PNPLA8: variants seen among roughly 807,000 people sequenced by gnomAD.
PNPLA8 encodes calcium-independent phospholipase A2-gamma.
PNPLA8 carries 39 observed loss-of-function variants against 76.9 expected under a neutral mutation model. That is an observed-to-expected ratio of 0.51 (90% CI 0.39 to 0.66). The LOEUF is 0.66. Ranked by LOEUF, PNPLA8 falls within the 30% of genes least tolerant of loss-of-function variation. The pLI, the probability that PNPLA8 is intolerant of heterozygous loss-of-function variation, is 0.00. For missense variants in PNPLA8, 887 were observed against 918.0 expected, an observed-to-expected ratio of 0.97 and a Z score of 0.44; for synonymous variants, 301 against 307.9, an observed-to-expected ratio of 0.98 and a Z score of 0.24.
chr7:108,495,730 C>T (rs1861498746), intron 7 of PNPLA8, among the ~76,000 whole-genome samples: 1 of 151,946 alleles, frequency 6.6e-6, no homozygotes, highest in African/African-American at 2.4e-5. Context: ...AAATTAGGAA[C>T]ATAAATGTCG....
At chr7:108,511,907 A>C (rs2154516524) in intron 4 of PNPLA8, among the ~76,000 whole-genome samples, 1 of 152,356 alleles carries the variant, frequency 6.6e-6, no homozygotes, top group South Asian at 2.1e-4. Context: ...AGACATTACT[A>C]ATGTTCACCA....
rs191211290 is a variant in PNPLA8, at chr7:108,504,602, T to A, written c.1207-1960A>T. On this transcript the variant is annotated intron_variant, in intron 4 of 10. Transcript: ENST00000257694. Reference sequence around the variant, plus strand: ...CCACCATGTTTTTCTCTTTTAAAAATTTTTTTGTAGATAAGGTGATTCTAA... The same window carrying A: ...CCACCATGTTTTTCTCTTTTAAAAAATTTTTTGTAGATAAGGTGATTCTAA... Among the ~76,000 whole-genome samples the A allele has an allele frequency of 1.1e-4, 16 of 152,320 alleles. No individual in the cohort carries two copies. In the East Asian group the frequency reaches 3.1e-3, roughly 29 times the overall value.
At chr7:108,502,442 C>CAA (rs369261888) in intron 5 of PNPLA8, 49 bp downstream of exon 5, 2,711 of 623,826 alleles carry the variant, frequency 4.3e-3, no homozygotes, top group South Asian at 0.012. Flanking sequence ...AACTCCATCT[C>CAA]AAAAAAAAAA....
rs918643211 is a variant in PNPLA8 at position 108,515,012 on chromosome 7, A to G, written c.480T>C (p.Tyr160=). ...GACTCTTTTCTGCTGATTTGTCACT[A>G]TATTTTTTCAGAGATTTGATGGCTT... The part of the protein sequence containing the change: ...IKQAIKSLKK[Y]SDKSAEKSPF... The change falls in exon 3 of 11, where the codon TAT becomes TAC. Residue 160 remains tyrosine, a synonymous_variant. Transcript: ENST00000257694. 6.8e-6 allele frequency: 11 copies of G among 1,607,582 alleles called. No homozygotes were observed. The highest frequency in any genetic ancestry group is 1.7e-4 in the Middle Eastern group (1 of 6,058).
chr7:108,520,270 G>C (rs1475304000), intron 2 of PNPLA8, among the ~76,000 whole-genome samples: 2 of 152,156 alleles, frequency 1.3e-5, no homozygotes, highest in East Asian at 3.9e-4. Flanking sequence ...GATAAGCCAA[G>C]TTAACATAAA....
intron 2 of PNPLA8, among the ~76,000 whole-genome samples, chr7:108,517,733 CTGGGGAGCTTA>C (rs1863442456): frequency 6.6e-6 from 1 of 152,140 alleles, no homozygotes; most frequent in Non-Finnish European, 1.5e-5. Context: ...ATCCCATAAA[CTGGGGAGCTTA>C]CATATATATG....
chr7:108,494,735 G>A (rs1161578473), intron 7 of PNPLA8, among the ~76,000 whole-genome samples: 2 of 151,904 alleles, frequency 1.3e-5, no homozygotes, highest in Non-Finnish European at 2.9e-5. Context: ...CCCAGTAGTA[G>A]GATTGTAGAA....
chr7:108,514,009 C>T, intron 4 of PNPLA8, 135 bp downstream of exon 4: 2 of 630,636 alleles, frequency 3.2e-6, no homozygotes, highest in South Asian at 2.2e-5. Flanking sequence ...AGGGTAATTA[C>T]TGAATACACA....
chr7:108,473,599 T>C (rs1355994686), intron 10 of PNPLA8, among the ~76,000 whole-genome samples: 1 of 152,178 alleles, frequency 6.6e-6, no homozygotes, highest in Non-Finnish European at 1.5e-5. Flanking sequence ...ATTATAGAGG[T>C]AGTGGTATCT....
intron 8 of PNPLA8, among the ~76,000 whole-genome samples, chr7:108,490,863 A>C (rs906675186): frequency 6.6e-5 from 10 of 152,152 alleles, no homozygotes; most frequent in African/African-American, 2.4e-4. Flanking sequence ...TTATGATGAA[A>C]TAATTCTTAT....
chr7:108,521,647 C>T (rs965187417), intron 1 of PNPLA8, 126 bp from the exon 2 acceptor site: 1 of 152,754 alleles, frequency 6.5e-6, no homozygotes, highest in African/African-American at 2.4e-5. Context: ...GTGATCAGAA[C>T]TGAGTTGACA....
Position 108,515,454 on chromosome 7 carries a change from A to G in PNPLA8, c.38T>C (p.Leu13Pro), listed in dbSNP as rs761282769. The G allele has an allele frequency of 1.9e-6, 3 of 1,574,812 alleles. No homozygotes were observed. The highest frequency in any genetic ancestry group is 2.6e-6 in the Non-Finnish European group (3 of 1,162,162). Residue 13 changes from leucine to proline, a missense_variant, in exon 3 of 11, where the codon CTC becomes CCC. Leu to Pro is a moderately conservative substitution (Grantham distance 98). Coordinates refer to ENST00000257694, the MANE Select transcript of PNPLA8 (RefSeq NM_001256007.3). ...ACAAACACTTCTTGCATTACTAAGG[A>G]GGTAAATATATATATCTACAGTCAG... The part of the protein sequence containing the change: ...INLTVDIYIY[L>P]LSNARSVCGK...
At chr7:108,494,827 A>C (rs1227781512) in intron 7 of PNPLA8, among the ~76,000 whole-genome samples, 1 of 152,238 alleles carries the variant, frequency 6.6e-6, no homozygotes, top group African/African-American at 2.4e-5. Flanking sequence ...CTACATTAAA[A>C]AATTATTAGC....
intron 9 of PNPLA8, 129 bp from the exon 10 acceptor site, chr7:108,479,508 C>A: frequency 3.1e-6 from 2 of 651,394 alleles, no homozygotes; most frequent in Non-Finnish European, 5.3e-6. Context: ...TTATAGACTA[C>A]AGCTGCAAAA....
At chr7:108,493,625 T>C (rs1861359170) in intron 7 of PNPLA8, among the ~76,000 whole-genome samples, 2 of 145,978 alleles carry the variant, frequency 1.4e-5, no homozygotes, top group Admixed American at 7.0e-5. Context: ...TTTCACCGTG[T>C]AGGCCAGGAA....
intron 4 of PNPLA8, among the ~76,000 whole-genome samples, chr7:108,512,727 G>A (rs1863030376): frequency 6.6e-6 from 1 of 152,130 alleles, no homozygotes; most frequent in African/African-American, 2.4e-5. Context: ...TTTTTCAGAT[G>A]ATTATTTAAG....
In PNPLA8 at chr7:108,514,177, T is replaced by C; in HGVS notation, c.1173A>G (p.Leu391=). 1.2e-6 allele frequency: 2 copies of C among 1,608,044 alleles called. No individual in the cohort carries two copies. Among genetic ancestry groups the C allele is most frequent in the Non-Finnish European group, 1.7e-6 (2 of 1,175,646 alleles). ...TRVEELTFHL[L]EFPEGKGVAV... ...CCACTCCTTTTCCTTCAGGAAATTCTAGAAGATGAAAAGTCAGTTCTTCAA... is the reference window on the plus strand; with the variant it reads ...CCACTCCTTTTCCTTCAGGAAATTCCAGAAGATGAAAAGTCAGTTCTTCAA... The change falls in exon 4 of 11, where the codon CTA becomes CTG. Residue 391 remains leucine (L), a synonymous_variant. Coordinates refer to ENST00000257694, the MANE Select transcript of PNPLA8 (RefSeq NM_001256007.3).
In PNPLA8 at chr7:108,519,198, AG is replaced by A. The variant is rs567854124; in HGVS notation, c.-84+2277del. Among the ~76,000 whole-genome samples the A allele has an allele frequency of 5.6e-4, 86 of 152,270 alleles. 1 individual carries two copies. Among genetic ancestry groups the A allele is most frequent in the African/African-American group, 2.0e-3 (85 of 41,564 alleles). ...CAAACACAGCCAAGAGTTTGAGACC[AG>A]CCCAGATAAATGGTGAAACCTTGTC... On this transcript the variant is annotated intron_variant, in intron 2 of 10. Coordinates refer to ENST00000257694, the MANE Select transcript of PNPLA8 (RefSeq NM_001256007.3).
chr7:108,474,053 T>G (rs1859808729), intron 10 of PNPLA8, among the ~76,000 whole-genome samples: 1 of 152,174 alleles, frequency 6.6e-6, no homozygotes, highest in Admixed American at 6.6e-5. Flanking sequence ...ATTTTGAACT[T>G]GATTATATAT....
Sources: gnomAD v4.1 joint callset for allele counts (sites outside exome capture counted in the v4.1 genomes callset) on GRCh38, gnomAD v4.1.1 for gene constraint, MANE v1.5 for transcripts, NCBI Gene and HGNC (gene_info 2026-07-23, HGNC 2026-07-21) for gene names.